SLC71A1: variants seen among roughly 807,000 people sequenced by gnomAD.
The protein encoded by SLC71A1 is solute carrier family 71 member 1, also known as hippocampus abundant gene transcript 1.
At chr1:100,065,637 CCTT>C in the SLC71A1 span, among the ~76,000 whole-genome samples, 10 of 149,428 alleles carry the variant, frequency 6.7e-5, no homozygotes, top group South Asian at 1.3e-3. Flanking sequence ...TTTCCCTTTC[CCTT>C]CTTTTTTCTT....
chr1:100,075,948 G>T, the SLC71A1 span, among the ~76,000 whole-genome samples: 5 of 152,176 alleles, frequency 3.3e-5, no homozygotes, highest in Non-Finnish European at 7.3e-5. Context: ...AAAGTGCTGG[G>T]ATTACAGATA....
At chr1:100,047,859 T>G in the SLC71A1 span, among the ~76,000 whole-genome samples, 1 of 152,182 alleles carries the variant, frequency 6.6e-6, no homozygotes, top group Admixed American at 6.5e-5. Flanking sequence ...TAGGTAATTT[T>G]TCTCTTAAAT....
At chr1:100,078,428 T>C in the SLC71A1 span, 1 of 1,506,676 alleles carries the variant, frequency 6.6e-7, no homozygotes, top group Non-Finnish European at 9.2e-7. Flanking sequence ...TTTACTGTTT[T>C]TGTTTTGCTG....
At chr1:100,047,325 A>T in the SLC71A1 span, among the ~76,000 whole-genome samples, 6 of 152,154 alleles carry the variant, frequency 3.9e-5, no homozygotes, top group Non-Finnish European at 7.4e-5. Flanking sequence ...ATTTTCCTTC[A>T]TTCTTTTGAA....
chr1:100,063,685 A>G, the SLC71A1 span, among the ~76,000 whole-genome samples: 3 of 152,114 alleles, frequency 2.0e-5, no homozygotes, highest in Admixed American at 2.0e-4. Flanking sequence ...AGTCCCAGCT[A>G]CCTGGGAGGC....
the SLC71A1 span, among the ~76,000 whole-genome samples, chr1:100,038,800 C>T: frequency 3.3e-5 from 5 of 152,334 alleles, no homozygotes; most frequent in Admixed American, 6.5e-5. Flanking sequence ...GCTGCGGCCC[C>T]GTAGTACGTT....
chr1:100,067,342 C>G, the SLC71A1 span, among the ~76,000 whole-genome samples: 1 of 152,096 alleles, frequency 6.6e-6, no homozygotes, highest in Non-Finnish European at 1.5e-5. Flanking sequence ...CTTTCTGGCT[C>G]AAAGGAATTC....
At chr1:100,055,817 A>T in the SLC71A1 span, among the ~76,000 whole-genome samples, 6 of 152,044 alleles carry the variant, frequency 3.9e-5, no homozygotes, top group African/African-American at 1.5e-4. Flanking sequence ...CAGTGGCGCG[A>T]TCTCAGCTTA....
At chr1:100,078,001 C>T in the SLC71A1 span, among the ~76,000 whole-genome samples, 1 of 152,180 alleles carries the variant, frequency 6.6e-6, no homozygotes, top group Admixed American at 6.5e-5. Context: ...AAACATCAAG[C>T]CAGGAACATC....
chr1:100,058,362 T>C, the SLC71A1 span, among the ~76,000 whole-genome samples: 2 of 152,238 alleles, frequency 1.3e-5, no homozygotes, highest in Non-Finnish European at 2.9e-5. Flanking sequence ...GCTTCAGCTT[T>C]GCCATTTACT....
the SLC71A1 span, among the ~76,000 whole-genome samples, chr1:100,065,698 TTTTCCCTAA>T: frequency 5.3e-5 from 5 of 95,048 alleles, no homozygotes; most frequent in South Asian, 8.4e-4. Context: ...TCCTTAAGCC[TTTTCCCTAA>T]GCCTTTTCCC....
the SLC71A1 span, among the ~76,000 whole-genome samples, chr1:100,046,219 T>TTG: frequency 1.2e-5 from 1 of 81,650 alleles, no homozygotes; most frequent in Non-Finnish European, 2.3e-5. Context: ...CTCGTTTTTT[T>TTG]TTTTTTTTTT....
the SLC71A1 span, chr1:100,069,551 G>A: frequency 1.0e-6 from 1 of 959,122 alleles, no homozygotes; most frequent in Non-Finnish European, 1.7e-6. Flanking sequence ...AGTAGCTGCA[G>A]TGGTTTTCTA....
the SLC71A1 span, chr1:100,069,709 G>A: frequency 9.3e-5 from 137 of 1,470,684 alleles, no homozygotes; most frequent in Middle Eastern, 1.7e-3. Flanking sequence ...TTTAGTTAGA[G>A]TGATGTCAGT....
At chr1:100,042,062 C>T in the SLC71A1 span, among the ~76,000 whole-genome samples, 1 of 152,070 alleles carries the variant, frequency 6.6e-6, no homozygotes, top group Non-Finnish European at 1.5e-5. Flanking sequence ...AAAGCATTAC[C>T]ACTTGTTTTT....
At chr1:100,072,280 C>T in the SLC71A1 span, among the ~76,000 whole-genome samples, 1 of 152,202 alleles carries the variant, frequency 6.6e-6, no homozygotes, top group Non-Finnish European at 1.5e-5. Context: ...TCCATTAATG[C>T]ATGTTTGCTT....
the SLC71A1 span, among the ~76,000 whole-genome samples, chr1:100,067,789 G>A: frequency 3.3e-5 from 5 of 152,048 alleles, no homozygotes; most frequent in Non-Finnish European, 5.9e-5. Flanking sequence ...CAGCCTGGGC[G>A]ACAGAGCAAG....
chr1:100,077,041 A>C, the SLC71A1 span: 2 of 596,180 alleles, frequency 3.4e-6, no homozygotes, highest in African/African-American at 3.8e-5. Flanking sequence ...AGACATATTC[A>C]GGGCAATTAT....
chr1:100,055,876 C>T, the SLC71A1 span, among the ~76,000 whole-genome samples: 1 of 152,138 alleles, frequency 6.6e-6, no homozygotes, highest in Non-Finnish European at 1.5e-5. Flanking sequence ...CCTCAGCCTC[C>T]CAAGTAGCTG....
Sources: gnomAD v4.1 joint callset for allele counts (sites outside exome capture counted in the v4.1 genomes callset) on GRCh38, gnomAD v4.1.1 for gene constraint, MANE v1.5 for transcripts, NCBI Gene and HGNC (gene_info 2026-07-23, HGNC 2026-07-21) for gene names.